Variants in MPP7 observed in about 807,000 individuals in gnomAD.
MPP7 encodes MAGUK p55 scaffold protein 7.
A neutral mutation model predicts 76.5 loss-of-function variants in MPP7; 60 were observed. The observed-to-expected ratio is 0.78, with a 90% confidence interval of 0.64 to 0.97. The LOEUF is 0.97. Among genes scored for constraint, MPP7 ranks in the 50% least tolerant of loss-of-function variants. MPP7 has a pLI of 0.00. For synonymous variants in MPP7, 237 were observed against 244.5 expected, an observed-to-expected ratio of 0.97 and a Z score of 0.29; for missense variants, 641 against 694.0, an observed-to-expected ratio of 0.92 and a Z score of 0.86.
chr10:28,286,404 C>CTTCCT (rs780548374), intron 1 of MPP7, among the ~76,000 whole-genome samples: 2 of 152,038 alleles, frequency 1.3e-5, no homozygotes, highest in Non-Finnish European at 2.9e-5. Flanking sequence ...CGTTACTAAA[C>CTTCCT]TTCCTTTCAC....
intron 16 of MPP7, among the ~76,000 whole-genome samples, chr10:28,055,764 T>C (rs1402188778): frequency 1.3e-5 from 2 of 152,248 alleles, no homozygotes; most frequent in East Asian, 3.8e-4. Flanking sequence ...CAGTTACTGA[T>C]GGTATTTTTA....
intron 3 of MPP7, among the ~76,000 whole-genome samples, chr10:28,187,274 C>G (rs1837268702): frequency 6.6e-6 from 1 of 152,188 alleles, no homozygotes; most frequent in African/African-American, 2.4e-5. Flanking sequence ...ATATGGCCAC[C>G]ATTTTTAGAG....
chr10:28,141,129 TAA>T (rs1178051758), intron 5 of MPP7, among the ~76,000 whole-genome samples: 1 of 152,038 alleles, frequency 6.6e-6, no homozygotes, highest in Admixed American at 6.5e-5. Flanking sequence ...TGCTAACAAC[TAA>T]AAAAGTTTCT....
chr10:28,297,107 C>T (rs1164179076), intron 1 of MPP7, among the ~76,000 whole-genome samples: 2 of 152,158 alleles, frequency 1.3e-5, no homozygotes, highest in East Asian at 3.8e-4. Flanking sequence ...ATCACATGTT[C>T]CATTCCAGAC....
chr10:28,074,662 C>A (rs143462623), intron 12 of MPP7, among the ~76,000 whole-genome samples: 1 of 152,200 alleles, frequency 6.6e-6, no homozygotes, highest in South Asian at 2.1e-4. Flanking sequence ...ATTGCTCTCC[C>A]TGAATCTTCA....
At chr10:28,101,438 A>T (rs1853820268) in intron 11 of MPP7, among the ~76,000 whole-genome samples, 1 of 152,168 alleles carries the variant, frequency 6.6e-6, no homozygotes, top group Admixed American at 6.5e-5. Context: ...TAAGAAACAG[A>T]TTAGGAAAAA....
intron 1 of MPP7, among the ~76,000 whole-genome samples, chr10:28,269,085 A>C (rs1406902233): frequency 2.6e-5 from 4 of 152,174 alleles, no homozygotes; most frequent in African/African-American, 9.7e-5. Context: ...ACTTCCTTAA[A>C]CATTTTGATT....
intron 1 of MPP7, among the ~76,000 whole-genome samples, chr10:28,270,131 C>T (rs937947814): frequency 2.6e-5 from 4 of 152,092 alleles, no homozygotes; most frequent in African/African-American, 9.7e-5. Flanking sequence ...ACTAAGATGG[C>T]GCGTTAAAAG....
chr10:28,069,371 G>A (rs376817533), intron 13 of MPP7, among the ~76,000 whole-genome samples: 12 of 152,106 alleles, frequency 7.9e-5, no homozygotes, highest in Admixed American at 2.6e-4. Flanking sequence ...TTGGGAGGCC[G>A]AGGCAGGTGG....
rs369595177 is a variant in MPP7, at chr10:28,282,572, T to C, written c.-132+20289A>G. On this transcript the variant is annotated intron_variant, in intron 1 of 16. Coordinates refer to ENST00000683449, the MANE Select transcript of MPP7 (RefSeq NM_001318170.2). ...GAAATGAGAGCTGAAACCAAGACAA[T>C]GGGCAAACGCACAATTGGGGCGGTG... Among the ~76,000 whole-genome samples, 29 of 151,762 alleles carry C rather than the reference T, an allele frequency of 1.9e-4. 1 individual carries two copies. The highest frequency in any genetic ancestry group is 6.5e-4 in the African/African-American group (27 of 41,232).
chr10:28,301,306 G>C (rs747141727), intron 1 of MPP7, among the ~76,000 whole-genome samples: 2 of 152,108 alleles, frequency 1.3e-5, no homozygotes, highest in Middle Eastern at 3.2e-3. Flanking sequence ...TCAATGCTGA[G>C]CTAGAGATGC....
chr10:28,216,951 C>T (rs1390856626), intron 2 of MPP7, among the ~76,000 whole-genome samples: 1 of 151,836 alleles, frequency 6.6e-6, no homozygotes, highest in African/African-American at 2.4e-5. Context: ...TATAATTCAT[C>T]TAGAAGTATT....
intron 12 of MPP7, among the ~76,000 whole-genome samples, chr10:28,075,960 A>C (rs1852463851): frequency 6.6e-6 from 1 of 152,244 alleles, no homozygotes; most frequent in Non-Finnish European, 1.5e-5. Flanking sequence ...ATACTCAATA[A>C]TGATGCTATT....
At chr10:28,305,812 A>G (rs768930763), upstream of MPP7, 3 of 152,244 alleles carry the variant, frequency 2.0e-5, no homozygotes, top group Non-Finnish European at 4.4e-5. Context: ...TCTAATTAGT[A>G]ACGACATTCT....
At chr10:28,109,862 A>AAAAAAAAAAAAAAAAAAAAAT (rs1834444595) in intron 11 of MPP7, among the ~76,000 whole-genome samples, 1 of 149,514 alleles carries the variant, frequency 6.7e-6, no homozygotes, top group Non-Finnish European at 1.5e-5. Context: ...AAAAAAAAAA[A>AAAAAAAAAAAAAAAAAAAAAT]AAAAAAAAAA....
chr10:28,150,090 C>A, intron 3 of MPP7, 31 bp from the exon 4 acceptor site: 1 of 1,504,026 alleles, frequency 6.6e-7, no homozygotes, highest in Non-Finnish European at 9.2e-7. Flanking sequence ...TATAAGTTCA[C>A]CTGCTAGCAA....
intron 3 of MPP7, among the ~76,000 whole-genome samples, chr10:28,197,815 G>A (rs973882270): frequency 6.6e-6 from 1 of 152,064 alleles, no homozygotes; most frequent in Non-Finnish European, 1.5e-5. Context: ...TTGAGGTGAT[G>A]GATACCCCAT....
intron 2 of MPP7, among the ~76,000 whole-genome samples, chr10:28,225,634 T>C (rs1367997400): frequency 1.3e-5 from 2 of 152,150 alleles, no homozygotes; most frequent in African/African-American, 4.8e-5. Flanking sequence ...TTTCCTACAA[T>C]GGCTATAATC....
chr10:28,228,061 C>T (rs528456132), intron 2 of MPP7, among the ~76,000 whole-genome samples: 3 of 152,160 alleles, frequency 2.0e-5, no homozygotes, highest in African/African-American at 7.2e-5. Flanking sequence ...GCAAAGAAAC[C>T]GAAAAGTATG....
Sources: allele counts gnomAD v4.1 joint callset (sites outside exome capture counted in the v4.1 genomes callset), GRCh38; gene constraint gnomAD v4.1.1; transcripts MANE v1.5; gene names NCBI Gene and HGNC (gene_info 2026-07-23, HGNC 2026-07-21).